Variants in SNX22 observed in about 807,000 individuals in gnomAD.
The protein encoded by SNX22 is sorting nexin-22.
Under a neutral mutation model 24.7 loss-of-function variants are expected in SNX22, and 23 were observed. That is an observed-to-expected ratio of 0.93 (90% CI 0.67 to 1.32). The LOEUF is 1.32. Ranked by LOEUF, SNX22 falls within the 40% of genes most tolerant of loss-of-function variation. The pLI is 0.00. For synonymous variants in SNX22, 99 were observed against 104.0 expected (o/e 0.95, Z 0.29); for missense variants, 261 against 249.9 (o/e 1.04, Z -0.30).
chr15:64,156,818 T>A lies in SNX22; in HGVS notation c.*2310T>A. The A allele has an allele frequency of 1.2e-6, 2 of 1,614,224 alleles. No homozygotes were observed. The highest frequency in any genetic ancestry group is 1.7e-6 in the Non-Finnish European group (2 of 1,180,042). On this transcript the variant is annotated 3_prime_UTR_variant, in exon 7 of 7. Coordinates refer to ENST00000325881, the MANE Select transcript of SNX22 (RefSeq NM_024798.3). This position sits in a 1 kb window ranked among gnomAD's most constrained non-coding sequence, Gnocchi z 6.4. The stretch of plus-strand genomic sequence containing the variant: ...TGAAGAACTGGGAGCCGTTGGTGTC[T>A]TTGCCTGCGTTGGCCATGCTCACCC...
chr15:64,155,830 A>AC lies in SNX22; in HGVS notation c.*1322_*1323insC, dbSNP rs2081525264. The AC allele has an allele frequency of 7.6e-6, 6 of 790,198 alleles. No individual in the cohort carries two copies. In the East Asian group the frequency reaches 1.4e-4, roughly 18 times the overall value. The allele number at this position is 790,198 out of a possible 1,614,324, so 48.9% of individuals were successfully genotyped here. A position where few individuals can be genotyped will look rare whatever the true frequency, so the allele number is the denominator to read the frequency against. On this transcript the variant is annotated 3_prime_UTR_variant, in exon 7 of 7. Coordinates refer to ENST00000325881, the MANE Select transcript of SNX22 (RefSeq NM_024798.3). ...CCACACATTATATATTAAAAAAAAA[A>AC]AAACCCACATTTTTTTTTATTGGTC...
chr15:64,154,071 C>G (rs771778612), intron 6 of SNX22, 69 bp downstream of exon 6: 1 of 1,613,708 alleles, frequency 6.2e-7, no homozygotes, highest in Non-Finnish European at 8.5e-7. Flanking sequence ...GCTCCTGGGA[C>G]CCTCAGACAG....
chr15:64,156,603 G>A lies in SNX22; in HGVS notation c.*2095G>A, dbSNP rs889506073. ...GGGTTTATTCTGGACAGGAGCACTG[G>A]GCTGCATCTGTGGGTTGGGTCCTTT... On this transcript the variant is annotated 3_prime_UTR_variant, in exon 7 of 7. Transcript: ENST00000325881. This position sits in a 1 kb window ranked among gnomAD's most constrained non-coding sequence, Gnocchi z 6.4. 3.4e-6 allele frequency: 4 copies of A among 1,177,618 alleles called. No homozygotes were observed. Among genetic ancestry groups the A allele is most frequent in the African/African-American group, 1.5e-5 (1 of 66,194 alleles). 72.9% of individuals were successfully genotyped at this position (1,177,618 alleles called of 1,614,324 possible).
chr15:64,151,855 G>A lies in SNX22; in HGVS notation c.75+5G>A, dbSNP rs1302738971. 2 of 1,533,308 alleles carry A rather than the reference G, an allele frequency of 1.3e-6. No individual in the cohort carries two copies. The highest frequency in any genetic ancestry group is 5.1e-5 in the East Asian group (2 of 39,548). 95.0% of individuals were successfully genotyped at this position (1,533,308 alleles called of 1,614,324 possible). A position where few individuals can be genotyped will look rare whatever the true frequency, so the allele number is the denominator to read the frequency against. ...AGCCCGGAGAAAAGCCACATGGTGA[G>A]CGCGGCCCCTGGATGGGGAGGGGCG... On this transcript the variant is annotated splice_donor_5th_base_variant and intron_variant, in intron 1 of 6. Transcript: ENST00000325881.
chr15:64,156,556 A>C lies in SNX22; in HGVS notation c.*2048A>C. 1 of 872,670 alleles carries C rather than the reference A, an allele frequency of 1.1e-6. No individual in the cohort carries two copies. The highest frequency in any genetic ancestry group is 1.7e-5 in the African/African-American group (1 of 60,540). 54.1% of individuals were successfully genotyped at this position (872,670 alleles called of 1,614,324 possible). ...TCTGAGGGGGCTGGAAGAATTTAGA[A>C]CCTTGGAGGCATGGAGGTACAGGGT... On this transcript the variant is annotated 3_prime_UTR_variant, in exon 7 of 7. Coordinates refer to ENST00000325881, the MANE Select transcript of SNX22 (RefSeq NM_024798.3). The surrounding 1 kb of genome is among the most constrained non-coding windows in gnomAD (Gnocchi z 6.4).
intron 5 of SNX22, 76 bp from the exon 6 acceptor site, chr15:64,153,859 C>T (rs2081505129): frequency 6.3e-7 from 1 of 1,590,820 alleles, no homozygotes. Flanking sequence ...CTGGTGATGG[C>T]AACCCCGTCT....
At chr15:64,153,587 C>A in intron 4 of SNX22, 65 bp from the exon 5 acceptor site, 1 of 1,604,220 alleles carries the variant, frequency 6.2e-7, no homozygotes, top group South Asian at 1.1e-5. Flanking sequence ...GCTCTGGTGT[C>A]TCCACCCCTT....
chr15:64,155,943 G>T lies in SNX22; in HGVS notation c.*1435G>T. 6.2e-7 allele frequency: 1 copy of T among 1,606,420 alleles called. No homozygotes were observed. Among genetic ancestry groups the T allele is most frequent in the Non-Finnish European group, 8.5e-7 (1 of 1,175,692 alleles). ...GTCCGCTCCACCAGATGCCAGCACC[G>T]GGGCCAGTGCAGCTCAGAGCCCTGT... On this transcript the variant is annotated 3_prime_UTR_variant, in exon 7 of 7. Coordinates refer to ENST00000325881, the MANE Select transcript of SNX22 (RefSeq NM_024798.3).
chr15:64,151,901 C>T, intron 1 of SNX22, 51 bp downstream of exon 1: 4 of 1,489,266 alleles, frequency 2.7e-6, no homozygotes, highest in Non-Finnish European at 3.6e-6. Context: ...CAGGATTTCC[C>T]CGCGCTGCGC....
intron 3 of SNX22, 164 bp from the exon 4 acceptor site, chr15:64,153,081 C>G (rs944497341): frequency 9.9e-6 from 8 of 809,360 alleles, no homozygotes; most frequent in Non-Finnish European, 1.4e-5. Flanking sequence ...ACAACCTGTG[C>G]ACACAGCGCC....
In SNX22 at chr15:64,153,240, T is replaced by C. The variant is rs199684049; in HGVS notation, c.265-5T>C. The C allele has an allele frequency of 1.4e-4, 229 of 1,614,054 alleles. No individual in the cohort carries two copies. The highest frequency in any genetic ancestry group is 6.7e-5 in the Admixed American group (4 of 60,006). ...CTGATTGCAGGTCTCCTCTGTCCTCTCCAGGGCATCCTGTACCTGAACCAG... is the reference window on the plus strand; with the variant it reads ...CTGATTGCAGGTCTCCTCTGTCCTCCCCAGGGCATCCTGTACCTGAACCAG... On this transcript the variant is annotated splice_polypyrimidine_tract_variant and splice_region_variant and intron_variant, in intron 3 of 6. Coordinates refer to ENST00000325881, the MANE Select transcript of SNX22 (RefSeq NM_024798.3).
Position 64,154,015 on chromosome 15 carries a change from C to T in SNX22, c.460+13C>T. On this transcript the variant is annotated intron_variant, in intron 6 of 6. Transcript: ENST00000325881. ...AACCCCTCCCCAGGTGAGGAGGTGC[C>T]TAGATATGGGGCTACAGGGCTGGGT... 6.2e-7 allele frequency: 1 copy of T among 1,614,096 alleles called. No individual in the cohort carries two copies. Among genetic ancestry groups the T allele is most frequent in the Non-Finnish European group, 8.5e-7 (1 of 1,179,994 alleles).
chr15:64,152,462 C>A (rs1037835119), intron 2 of SNX22, 136 bp downstream of exon 2: 1 of 1,245,396 alleles, frequency 8.0e-7, no homozygotes, highest in Non-Finnish European at 1.1e-6. Flanking sequence ...GCCGGTCAGC[C>A]CCCGGGCCTC....
Position 64,154,001 on chromosome 15 carries a change from A to G in SNX22, c.459A>G (p.Pro153=), listed in dbSNP as rs371461402. Reference sequence around the variant, plus strand: ...ATCCCTATGTTTGCAACCCCTCCCCAGGTGAGGAGGTGCCTAGATATGGGG... The same window carrying G: ...ATCCCTATGTTTGCAACCCCTCCCCGGGTGAGGAGGTGCCTAGATATGGGG... ...HVDPYVCNPS[P]ESLPNVVVNG... The change falls in exon 6 of 7, where the codon CCA becomes CCG. Residue 153 remains proline, a splice_region_variant and synonymous_variant. Coordinates refer to ENST00000325881, the MANE Select transcript of SNX22 (RefSeq NM_024798.3). 6.2e-7 allele frequency: 1 copy of G among 1,613,948 alleles called. No individual in the cohort carries two copies. The highest frequency in any genetic ancestry group is 8.5e-7 in the Non-Finnish European group (1 of 1,179,972).
intron 5 of SNX22, 97 bp downstream of exon 5, chr15:64,153,781 C>T (rs1388250194): frequency 6.3e-7 from 1 of 1,599,580 alleles, no homozygotes; most frequent in Non-Finnish European, 8.6e-7. Context: ...TGGCCTGGGC[C>T]CTGAAGTCTG....
In SNX22 at chr15:64,155,338, G is replaced by T. The variant is rs936069074; in HGVS notation, c.*830G>T. ...AGATCGCGCCACTGCACTCCAGCCTGGGCAACAAGAGTGAAACTCCGTCTC... is the reference window on the plus strand; with the variant it reads ...AGATCGCGCCACTGCACTCCAGCCTTGGCAACAAGAGTGAAACTCCGTCTC... On this transcript the variant is annotated 3_prime_UTR_variant, in exon 7 of 7. Coordinates refer to ENST00000325881, the MANE Select transcript of SNX22 (RefSeq NM_024798.3). 1 of 152,608 alleles carries T rather than the reference G, an allele frequency of 6.6e-6. No homozygotes were observed. The highest frequency in any genetic ancestry group is 1.5e-5 in the Non-Finnish European group (1 of 68,864). 9.5% of individuals were successfully genotyped at this position (152,608 alleles called of 1,614,324 possible). A position where few individuals can be genotyped will look rare whatever the true frequency, so the allele number is the denominator to read the frequency against.
Position 64,153,354 on chromosome 15 carries a change from T to G in SNX22, c.359+15T>G. 1 of 1,613,406 alleles carries G rather than the reference T, an allele frequency of 6.2e-7. No individual in the cohort carries two copies. The highest frequency in any genetic ancestry group is 8.5e-7 in the Non-Finnish European group (1 of 1,179,796). On this transcript the variant is annotated intron_variant, in intron 4 of 6. Transcript: ENST00000325881. The stretch of plus-strand genomic sequence containing the variant: ...AGCAACTGGGGGTAAGGGGGGCCGA[T>G]GGCGGGGGCCAGGGGCTGTCAGCAG...
Position 64,152,673 on chromosome 15 carries a change from G to A in SNX22, c.195G>A (p.Ser65=). ...TGTACAAAGTGCCCGACTTCCCCTCGAAACGCCTGCCCAACTGGAGGACCA... is the reference window on the plus strand; with the variant it reads ...TGTACAAAGTGCCCGACTTCCCCTCAAAACGCCTGCCCAACTGGAGGACCA... The part of the protein sequence containing the change: ...KKLYKVPDFP[S]KRLPNWRTRG... The change falls in exon 3 of 7, where the codon TCG becomes TCA. Residue 65 remains serine, a synonymous_variant. Transcript: ENST00000325881. 6.2e-7 allele frequency: 1 copy of A among 1,614,194 alleles called. No individual in the cohort carries two copies. Among genetic ancestry groups the A allele is most frequent in the Non-Finnish European group, 8.5e-7 (1 of 1,180,036 alleles).
rs1379081455 is a variant in SNX22, at chr15:64,156,043, A to C, written c.*1535A>C. On this transcript the variant is annotated 3_prime_UTR_variant, in exon 7 of 7. Coordinates refer to ENST00000325881, the MANE Select transcript of SNX22 (RefSeq NM_024798.3). This position sits in a 1 kb window ranked among gnomAD's most constrained non-coding sequence, Gnocchi z 6.4. Reference sequence around the variant, plus strand: ...GTGCCCTACTCCTTGGCGATGGCAAAGGGCTTCTCCACCTCGATCTTGCCG... The same window carrying C: ...GTGCCCTACTCCTTGGCGATGGCAACGGGCTTCTCCACCTCGATCTTGCCG... 1.2e-6 allele frequency: 2 copies of C among 1,614,048 alleles called. No individual in the cohort carries two copies. Among genetic ancestry groups the C allele is most frequent in the Non-Finnish European group, 1.7e-6 (2 of 1,180,022 alleles).
Sources: gnomAD v4.1 joint callset for allele counts on GRCh38, gnomAD v4.1.1 for gene constraint, Gnocchi (gnomAD v3.1) non-coding constraint, MANE v1.5 for transcripts, NCBI Gene and HGNC (gene_info 2026-07-23, HGNC 2026-07-21) for gene names.